MACROD2: variants seen among roughly 807,000 people sequenced by gnomAD.
MACROD2 encodes mono-ADP ribosylhydrolase 2.
Under a neutral mutation model 70.4 loss-of-function variants are expected in MACROD2, and 36 were observed. The observed-to-expected ratio is 0.51, with a 90% CI of 0.39 to 0.68. The LOEUF is 0.68. MACROD2 is among the 30% of genes least tolerant of loss of function. The probability of loss-of-function intolerance (pLI) is 0.00; values close to 1 mark genes in which losing one functional copy is unlikely to be tolerated. For missense variants in MACROD2, 496 were observed against 538.4 expected (o/e 0.92, Z 0.78); for synonymous variants, 172 against 178.8 (o/e 0.96, Z 0.30).
chr20:16,033,857 T>TGCGGGG (rs142080085), intron 15 of MACROD2, among the ~76,000 whole-genome samples: 6 of 140,762 alleles, frequency 4.3e-5, no homozygotes, highest in South Asian at 4.7e-4. Context: ...CAGTAGGGGG[T>TGCGGGG]GGGGTGGGGG....
chr20:14,008,027 C>G (rs1232491850), intron 2 of MACROD2, among the ~76,000 whole-genome samples: 4 of 152,098 alleles, frequency 2.6e-5, no homozygotes, highest in African/African-American at 9.7e-5. Context: ...ACTGAATGGG[C>G]AAAAGCTGGA....
intron 5 of MACROD2, among the ~76,000 whole-genome samples, chr20:14,801,026 A>G (rs1403620118): frequency 2.0e-5 from 3 of 152,158 alleles, no homozygotes; most frequent in Non-Finnish European, 2.9e-5. Context: ...ATGTTTATAC[A>G]AAGGGACTTT....
rs138157801 is a variant in MACROD2, at chr20:14,993,180, G to T, written c.419-236760G>T. Among the ~76,000 whole-genome samples the T allele has an allele frequency of 3.6e-4, 55 of 151,950 alleles. 1 individual carries two copies. The highest frequency in any genetic ancestry group is 1.2e-3 in the African/African-American group (49 of 41,446). On this transcript the variant is annotated intron_variant, in intron 5 of 17. Coordinates refer to ENST00000684519, the MANE Select transcript of MACROD2 (RefSeq NM_001351661.2). ...TCTAAAGCCAGTGGAATGTTTAACT[G>T]CCCCTTGCTATTCGTGAACTTGTTT...
intron 5 of MACROD2, among the ~76,000 whole-genome samples, chr20:15,204,769 G>A (rs1399482823): frequency 6.6e-6 from 1 of 152,032 alleles, no homozygotes; most frequent in Non-Finnish European, 1.5e-5. Flanking sequence ...TTTTTAATGG[G>A]AATTCCTGGT....
intron 8 of MACROD2, among the ~76,000 whole-genome samples, chr20:15,568,357 C>CTA (rs1425343845): frequency 6.6e-5 from 10 of 152,158 alleles, no homozygotes; most frequent in Non-Finnish European, 1.2e-4. Flanking sequence ...TCAGTGTAGG[C>CTA]TAGGCTGTGC....
chr20:15,143,850 AG>A, intron 5 of MACROD2, among the ~76,000 whole-genome samples: 1 of 151,638 alleles, frequency 6.6e-6, no homozygotes, highest in South Asian at 2.1e-4. Flanking sequence ...TCACTAGAGA[AG>A]GGGTGTTCAA....
At chr20:15,367,217 A>G (rs891117923) in intron 6 of MACROD2, among the ~76,000 whole-genome samples, 1 of 151,754 alleles carries the variant, frequency 6.6e-6, no homozygotes, top group Non-Finnish European at 1.5e-5. Flanking sequence ...TAGTAGAGAC[A>G]GGGTTTCACC....
chr20:14,893,337 T>G (rs2073787360), intron 5 of MACROD2: 1 of 152,166 alleles, frequency 6.6e-6, no homozygotes, highest in Non-Finnish European at 1.5e-5. Flanking sequence ...CTGGGTCATA[T>G]GGTGATTCCA....
chr20:15,571,490 C>A (rs2048375852), intron 8 of MACROD2, among the ~76,000 whole-genome samples: 1 of 151,744 alleles, frequency 6.6e-6, no homozygotes, highest in South Asian at 2.1e-4. Context: ...TTACAAATAT[C>A]TAGTTTTATC....
intron 4 of MACROD2, among the ~76,000 whole-genome samples, chr20:14,623,686 A>G (rs1214021920): frequency 6.6e-6 from 1 of 152,190 alleles, no homozygotes; most frequent in African/African-American, 2.4e-5. Flanking sequence ...GAGGAGCATC[A>G]TCATCCCTGA....
intron 8 of MACROD2, among the ~76,000 whole-genome samples, chr20:15,512,696 C>T (rs1331072666): frequency 6.6e-6 from 1 of 152,166 alleles, no homozygotes; most frequent in African/African-American, 2.4e-5. Flanking sequence ...ACACCACCCT[C>T]ATGTGAATCA....
chr20:15,607,172 G>A (rs1421015711), intron 8 of MACROD2, among the ~76,000 whole-genome samples: 1 of 152,014 alleles, frequency 6.6e-6, no homozygotes, highest in African/African-American at 2.4e-5. Context: ...AAAAACAATG[G>A]GAAACTAACA....
intron 8 of MACROD2, among the ~76,000 whole-genome samples, chr20:15,644,013 A>G (rs528848002): frequency 6.6e-6 from 1 of 152,250 alleles, no homozygotes; most frequent in African/African-American, 2.4e-5. Context: ...AGTCCTCGCA[A>G]TGTGTCTCAT....
At position 14,753,017 on chromosome 20, in the gene MACROD2, G is replaced by A. The variant is rs6110422; in HGVS notation, c.418+68058G>A. The stretch of plus-strand genomic sequence containing the variant: ...TGCATATATCCACTGGCTCCCCATT[G>A]TTTGAGGGTTGCACTCACTTGTGTT... On this transcript the variant is annotated intron_variant, in intron 5 of 17. Transcript: ENST00000684519. Among the ~76,000 whole-genome samples the A allele has an allele frequency of 3.3e-3, 507 of 152,096 alleles. 3 individuals are homozygous for A. The highest frequency in any genetic ancestry group is 0.011 in the African/African-American group (467 of 41,426).
chr20:15,765,824 A>G (rs73244049), intron 8 of MACROD2, among the ~76,000 whole-genome samples: 2,251 of 152,286 alleles, frequency 0.015, 54 homozygotes, highest in African/African-American at 0.05. Flanking sequence ...CCTTCACCCA[A>G]TGTTGCAATG....
intron 6 of MACROD2, among the ~76,000 whole-genome samples, chr20:15,281,302 T>C (rs1460707455): frequency 6.6e-6 from 1 of 152,086 alleles, no homozygotes; most frequent in Non-Finnish European, 1.5e-5. Flanking sequence ...AATCATATCT[T>C]CCCAACAGTC....
intron 5 of MACROD2, among the ~76,000 whole-genome samples, chr20:14,739,979 A>G (rs1454209915): frequency 6.6e-6 from 1 of 152,078 alleles, no homozygotes; most frequent in Non-Finnish European, 1.5e-5. Context: ...TTTTCAAAGC[A>G]TGCATACAAG....
At chr20:15,458,271 C>T (rs73272952) in intron 7 of MACROD2, among the ~76,000 whole-genome samples, 43 of 152,220 alleles carry the variant, frequency 2.8e-4, no homozygotes, top group African/African-American at 9.9e-4. Context: ...CACATAGGAA[C>T]CAACTCATAA....
intron 4 of MACROD2, among the ~76,000 whole-genome samples, chr20:14,675,335 A>G (rs758449672): frequency 2.6e-5 from 4 of 152,236 alleles, no homozygotes; most frequent in Non-Finnish European, 4.4e-5. Context: ...AGGGAAGCCC[A>G]TCAGACTAAC....
Sources: allele counts gnomAD v4.1 joint callset (sites outside exome capture counted in the v4.1 genomes callset), GRCh38; gene constraint gnomAD v4.1.1; transcripts MANE v1.5; gene names NCBI Gene and HGNC (gene_info 2026-07-23, HGNC 2026-07-21).